The following USP34 variants were observed in gnomAD, a reference collection of about 807,000 sequenced individuals.
The protein encoded by USP34 is ubiquitin specific peptidase 34, also known as ubiquitin carboxyl-terminal hydrolase 34.
USP34 carries 70 observed loss-of-function variants against 460.3 expected under a neutral mutation model. The ratio of observed to expected loss-of-function variants is 0.15; its 90% CI spans 0.13 to 0.19. USP34 has a LOEUF of 0.19. Among genes scored for constraint, USP34 ranks in the 10% least tolerant of loss-of-function variants. The pLI is 1.00. For missense variants in USP34, 3,985 were observed against 4,236.2 expected (o/e 0.94, Z 1.65); for synonymous variants, 1,647 against 1,405.3 (o/e 1.17, Z -3.85).
intron 3 of USP34, among the ~76,000 whole-genome samples, chr2:61,397,967 T>C (rs1353866392): frequency 1.3e-5 from 2 of 152,002 alleles, no homozygotes; most frequent in Non-Finnish European, 2.9e-5. Flanking sequence ...CTCAGCAGAC[T>C]AAGGCACAAG....
At chr2:61,409,366 T>C (rs1693973873) in intron 2 of USP34, among the ~76,000 whole-genome samples, 1 of 152,034 alleles carries the variant, frequency 6.6e-6, no homozygotes, top group Non-Finnish European at 1.5e-5. Flanking sequence ...GAAAACGAAC[T>C]TGAAGTCAGA....
intron 53 of USP34, among the ~76,000 whole-genome samples, chr2:61,239,583 T>C (rs534439841): frequency 6.6e-6 from 1 of 152,278 alleles, no homozygotes; most frequent in African/African-American, 2.4e-5. Flanking sequence ...TTTATACAAA[T>C]AGGTAAGTTT....
chr2:61,219,245 ATTT>A (rs1382711826), intron 67 of USP34, among the ~76,000 whole-genome samples: 1 of 152,118 alleles, frequency 6.6e-6, no homozygotes, highest in Admixed American at 6.5e-5. Context: ...CACCATTTTG[ATTT>A]TTGAGTACTT....
At chr2:61,373,589 G>C (rs1459745571) in intron 8 of USP34, among the ~76,000 whole-genome samples, 2 of 152,042 alleles carry the variant, frequency 1.3e-5, no homozygotes, top group Admixed American at 6.5e-5. Flanking sequence ...AAGTTACCAG[G>C]AATACATATG....
At position 61,347,915 on chromosome 2, in the gene USP34, G is replaced by C; in HGVS notation, c.2240C>G (p.Pro747Arg). 6.2e-7 allele frequency: 1 copy of C among 1,613,878 alleles called. No homozygotes were observed. The highest frequency in any genetic ancestry group is 8.5e-7 in the Non-Finnish European group (1 of 1,179,952). ...GTGGTGGTGGTGGTGGTGATGCTGT[G>C]GACCAATAAATTGTCGACAATTAAA... ...ELFNCRQFIG[P>R]QHHHHHHHHH... Residue 747 changes from proline to arginine, a missense_variant, in exon 15 of 80, where the codon CCA (proline) becomes CGA (arginine). Coordinates refer to ENST00000398571, the MANE Select transcript of USP34 (RefSeq NM_014709.4).
intron 1 of USP34, among the ~76,000 whole-genome samples, chr2:61,424,671 T>G (rs925854001): frequency 6.6e-6 from 1 of 151,894 alleles, no homozygotes; most frequent in African/African-American, 2.4e-5. Context: ...AGCCCAAGAG[T>G]TCAACACCAG....
chr2:61,305,042 T>A (rs1390140875), intron 27 of USP34, among the ~76,000 whole-genome samples: 1 of 152,098 alleles, frequency 6.6e-6, no homozygotes, highest in East Asian at 1.9e-4. Context: ...TTTACAGACG[T>A]AGGACGGGTG....
chr2:61,201,210 A>C (rs1247231582), intron 75 of USP34, among the ~76,000 whole-genome samples: 1 of 144,362 alleles, frequency 6.9e-6, no homozygotes, highest in East Asian at 2.0e-4. Flanking sequence ...CCTCATAGAA[A>C]GTTTTTTTTT....
chr2:61,466,579 A>C (rs888249738), intron 1 of USP34, among the ~76,000 whole-genome samples: 35 of 152,168 alleles, frequency 2.3e-4, no homozygotes, highest in African/African-American at 8.4e-4. Context: ...TACACCATGA[A>C]TATGTAAAAT....
At chr2:61,314,997 C>G in intron 23 of USP34, 23 bp from the exon 24 acceptor site, 1 of 1,587,340 alleles carries the variant, frequency 6.3e-7, no homozygotes, top group Non-Finnish European at 8.6e-7. Flanking sequence ...AATATGGTAT[C>G]TCTAAATTTT....
chr2:61,203,880 A>T (rs1428101199), intron 74 of USP34, among the ~76,000 whole-genome samples: 1 of 152,026 alleles, frequency 6.6e-6, no homozygotes, highest in Non-Finnish European at 1.5e-5. Flanking sequence ...CTTAGGTCAA[A>T]GGAATATAAT....
intron 3 of USP34, among the ~76,000 whole-genome samples, chr2:61,403,371 G>GT (rs1198963857): frequency 1.7e-4 from 26 of 152,052 alleles, no homozygotes; most frequent in African/African-American, 6.0e-4. Context: ...ATTTTTAATT[G>GT]GAAAAAATTT....
At chr2:61,289,166 G>A (rs944805416) in intron 33 of USP34, among the ~76,000 whole-genome samples, 3 of 151,966 alleles carry the variant, frequency 2.0e-5, no homozygotes, top group African/African-American at 7.2e-5. Flanking sequence ...TAATAGCTAT[G>A]AGATTTTTGA....
intron 62 of USP34, among the ~76,000 whole-genome samples, chr2:61,225,167 T>C (rs908362749): frequency 2.6e-5 from 4 of 152,192 alleles, no homozygotes; most frequent in Non-Finnish European, 5.9e-5. Context: ...GCTACAGATA[T>C]TTCCAATTCA....
chr2:61,437,814 T>TAAATAAATAAATA (rs1191482540), intron 1 of USP34, among the ~76,000 whole-genome samples: 2 of 150,116 alleles, frequency 1.3e-5, no homozygotes, highest in Admixed American at 6.6e-5. Flanking sequence ...AATAAATAAA[T>TAAATAAATAAATA]AAAAAACCTG....
At chr2:61,295,080 T>G (rs1327810701) in intron 31 of USP34, 48 bp from the exon 32 acceptor site, 1 of 1,601,692 alleles carries the variant, frequency 6.2e-7, no homozygotes, top group Non-Finnish European at 8.5e-7. Flanking sequence ...AAGAAAGAAT[T>G]ATTATAGAAT....
At chr2:61,399,736 G>A (rs1693652393) in intron 3 of USP34, among the ~76,000 whole-genome samples, 1 of 151,724 alleles carries the variant, frequency 6.6e-6, no homozygotes, top group Admixed American at 6.6e-5. Context: ...AGCCAGGCGT[G>A]GTGGCGGGCG....
At chr2:61,414,686 T>C (rs889787663) in intron 2 of USP34, among the ~76,000 whole-genome samples, 7 of 152,186 alleles carry the variant, frequency 4.6e-5, no homozygotes, top group Admixed American at 6.6e-5. Context: ...AGAGATTTAC[T>C]GAAAATGAAA....
At chr2:61,469,742 C>G (rs1424265016) in intron 1 of USP34, among the ~76,000 whole-genome samples, 1 of 152,202 alleles carries the variant, frequency 6.6e-6, no homozygotes, top group Non-Finnish European at 1.5e-5. Flanking sequence ...CAACAATCAA[C>G]TTTTTGTAAA....
Sources: gnomAD v4.1 joint callset for allele counts (sites outside exome capture counted in the v4.1 genomes callset) on GRCh38, gnomAD v4.1.1 for gene constraint, MANE v1.5 for transcripts, NCBI Gene and HGNC (gene_info 2026-07-23, HGNC 2026-07-21) for gene names.